Variants in CAPN2 observed in about 807,000 individuals in gnomAD.
The protein encoded by CAPN2 is calpain 2.
Under a neutral mutation model 102.3 loss-of-function variants are expected in CAPN2, and 92 were observed. The ratio of observed to expected loss-of-function variants is 0.90; its 90% confidence interval spans 0.76 to 1.07. The LOEUF (loss-of-function observed/expected upper bound fraction) is 1.07. Among genes scored for constraint, CAPN2 ranks in the 50% least tolerant of loss-of-function variants. The pLI, the probability that CAPN2 is intolerant of heterozygous loss-of-function variation, is 0.00. For synonymous variants in CAPN2, 340 were observed against 355.4 expected (o/e 0.96, Z 0.49); for missense variants, 800 against 909.4 (o/e 0.88, Z 1.55).
chr1:223,738,795 G>C (rs1014920845), intron 2 of CAPN2, among the ~76,000 whole-genome samples: 1 of 152,240 alleles, frequency 6.6e-6, no homozygotes, highest in African/African-American at 2.4e-5. Context: ...CTGTGAGTTG[G>C]GGACAATTGT....
intron 2 of CAPN2, among the ~76,000 whole-genome samples, chr1:223,728,631 C>A (rs1211414088): frequency 6.6e-6 from 1 of 152,232 alleles, no homozygotes. Flanking sequence ...TTGGAAGACA[C>A]CACGATTCCT....
Position 223,750,972 on chromosome 1 carries a change from A to T in CAPN2, c.896A>T (p.Asp299Val), listed in dbSNP as rs1296787256. 2 of 1,551,776 alleles carry T rather than the reference A, an allele frequency of 1.3e-6. No individual in the cohort carries two copies. The highest frequency in any genetic ancestry group is 1.7e-6 in the Non-Finnish European group (2 of 1,147,072). ...GEVEWTGRWN[D>V]NCPSWNTIDP... ...GTGGAGTGGACAGGGCGGTGGAATGACAAGTGAGGAGGGCGCAGGCCTCGG... is the reference window on the plus strand; with the variant it reads ...GTGGAGTGGACAGGGCGGTGGAATGTCAAGTGAGGAGGGCGCAGGCCTCGG... Residue 299 changes from aspartate (D) to valine (V), a missense_variant, in exon 7 of 21, where the codon GAC becomes GTC. Transcript: ENST00000295006.
intron 2 of CAPN2, among the ~76,000 whole-genome samples, chr1:223,729,113 G>T (rs1404945484): frequency 2.0e-5 from 3 of 152,104 alleles, no homozygotes; most frequent in South Asian, 4.1e-4. Context: ...CTGGAGTCTG[G>T]CTCAGGATGC....
chr1:223,710,801 G>C, upstream of CAPN2, among the ~76,000 whole-genome samples: 1 of 151,612 alleles, frequency 6.6e-6, no homozygotes, highest in Admixed American at 6.6e-5. Flanking sequence ...TATCCTGGAA[G>C]CCACCCCCAC....
At chr1:223,716,187 A>G (rs964792196) in intron 1 of CAPN2, among the ~76,000 whole-genome samples, 2 of 152,256 alleles carry the variant, frequency 1.3e-5, no homozygotes, top group African/African-American at 4.8e-5. Context: ...TTTCTGAAGC[A>G]TCGCTTAGAT....
At chr1:223,757,712 C>T (rs1051565952) in intron 11 of CAPN2, 7 of 405,742 alleles carry the variant, frequency 1.7e-5, no homozygotes, top group Admixed American at 3.9e-5. Context: ...TAGGAGAAGA[C>T]TGAGTCAGGG....
chr1:223,713,571 C>T (rs1194889831), intron 1 of CAPN2, among the ~76,000 whole-genome samples: 1 of 152,198 alleles, frequency 6.6e-6, no homozygotes, highest in Non-Finnish European at 1.5e-5. Flanking sequence ...CCTGGGACAA[C>T]TTGTGCTCCC....
intron 1 of CAPN2, among the ~76,000 whole-genome samples, chr1:223,702,369 G>A (rs1213918957): frequency 1.3e-5 from 2 of 152,092 alleles, no homozygotes; most frequent in East Asian, 3.9e-4. Flanking sequence ...AGAGGTTGCG[G>A]TAAGCTGAGA....
chr1:223,707,033 T>C (rs11589956), intron 1 of CAPN2, among the ~76,000 whole-genome samples: 3,851 of 142,818 alleles, frequency 0.027, 68 homozygotes, highest in South Asian at 0.097. Context: ...TGAGCCGAGA[T>C]CACGCCACTG....
chr1:223,737,721 G>GTTGTA (rs146144248), intron 2 of CAPN2, among the ~76,000 whole-genome samples: 1 of 70,192 alleles, frequency 1.4e-5, no homozygotes, highest in Non-Finnish European at 2.8e-5. Context: ...GGGTGGGGGG[G>GTTGTA]AGAGAATACA....
At chr1:223,714,281 A>G (rs1434738992) in intron 1 of CAPN2, among the ~76,000 whole-genome samples, 5 of 152,230 alleles carry the variant, frequency 3.3e-5, no homozygotes, top group Non-Finnish European at 1.5e-5. Flanking sequence ...AGTGCCTGAC[A>G]CATAACCATG....
intron 16 of CAPN2, among the ~76,000 whole-genome samples, chr1:223,766,816 T>C (rs1025857499): frequency 2.0e-5 from 3 of 151,992 alleles, no homozygotes; most frequent in Non-Finnish European, 4.4e-5. Flanking sequence ...AAAAATTAGC[T>C]GGGTGTGGTG....
chr1:223,705,717 A>G (rs1031250146), intron 1 of CAPN2, among the ~76,000 whole-genome samples: 4 of 152,158 alleles, frequency 2.6e-5, no homozygotes, highest in African/African-American at 9.7e-5. Context: ...GCTGCTCTAT[A>G]TTTGTTCCCT....
At chr1:223,704,576 C>A (rs983209650) in intron 1 of CAPN2, among the ~76,000 whole-genome samples, 1 of 152,154 alleles carries the variant, frequency 6.6e-6, no homozygotes, top group African/African-American at 2.4e-5. Context: ...CAGTTGAGGT[C>A]TTAGTTTGCC....
At chr1:223,749,208 C>A in intron 6 of CAPN2, 86 bp downstream of exon 6, 1 of 1,195,756 alleles carries the variant, frequency 8.4e-7, no homozygotes, top group Non-Finnish European at 1.2e-6. Flanking sequence ...CAGGGGCCCG[C>A]GCGGCCCCAC....
chr1:223,737,726 A>G (rs1451226419), intron 2 of CAPN2, among the ~76,000 whole-genome samples: 1 of 135,928 alleles, frequency 7.4e-6, no homozygotes, highest in African/African-American at 2.8e-5. Context: ...GGGGGGAGAG[A>G]ATACAATAAC....
Position 223,752,068 on chromosome 1 carries a change from T to A in CAPN2, c.971T>A (p.Phe324Tyr). The A allele has an allele frequency of 1.2e-6, 2 of 1,607,190 alleles. No homozygotes were observed. The highest frequency in any genetic ancestry group is 1.7e-6 in the Non-Finnish European group (2 of 1,173,732). Residue 324 changes from phenylalanine (F) to tyrosine (Y), a missense_variant, in exon 8 of 21, where the codon TTC (phenylalanine) becomes TAC (tyrosine). Physicochemically the swap from Phe to Tyr is conservative, Grantham distance 22. Transcript: ENST00000295006. ...RLTRRHEDGE[F>Y]WMSFSDFLRH... ...ACCAGACGGCATGAAGATGGAGAAT[T>A]CTGGTAAGATTAGTGGAGGCTTCAG...
chr1:223,717,627 C>T (rs1286775786), intron 1 of CAPN2, 135 bp from the exon 2 acceptor site: 9 of 702,318 alleles, frequency 1.3e-5, no homozygotes, highest in Non-Finnish European at 1.0e-5. Context: ...AGAGTTCTGA[C>T]TGTGATGACA....
rs1659762202 is a variant in CAPN2 at position 223,712,658 on chromosome 1, C to T, written c.18C>T (p.Ala6=). The T allele has an allele frequency of 6.5e-7, 1 of 1,536,242 alleles. No homozygotes were observed. The change falls in exon 1 of 21, where the codon GCC becomes GCT. Residue 6 remains alanine (A), a synonymous_variant. Transcript: ENST00000295006. ...ACCGCAGCATGGCGGGCATCGCGGC[C>T]AAGCTGGCGAAGGACCGGGAGGCGG... is the stretch of plus-strand genomic sequence containing the variant. The part of the protein sequence containing the change: MAGIA[A]KLAKDREAAE...
Sources: gnomAD v4.1 joint callset for allele counts (sites outside exome capture counted in the v4.1 genomes callset) on GRCh38, gnomAD v4.1.1 for gene constraint, MANE v1.5 for transcripts, NCBI Gene and HGNC (gene_info 2026-07-23, HGNC 2026-07-21) for gene names.